The following TET3 variants were observed in gnomAD, a reference collection of about 807,000 sequenced individuals.
TET3 encodes tet methylcytosine dioxygenase 3.
In TET3, 19 loss-of-function variants were observed where a neutral mutation model predicts 141.4. That is an observed-to-expected ratio of 0.13 (90% CI 0.09 to 0.20). The LOEUF (loss-of-function observed/expected upper bound fraction) is 0.20, where lower values mean the gene tolerates loss of function less well. TET3 is among the 10% of genes least tolerant of loss of function. The pLI, the probability that TET3 is intolerant of heterozygous loss-of-function variation, is 1.00. For synonymous variants in TET3, 1,043 were observed against 980.9 expected, an observed-to-expected ratio of 1.06 and a Z score of -1.18; for missense variants, 1,874 against 2,356.9, an observed-to-expected ratio of 0.80 and a Z score of 4.24.
chr2:74,069,370 G>A (rs1244845425), intron 4 of TET3, among the ~76,000 whole-genome samples: 2 of 148,134 alleles, frequency 1.4e-5, no homozygotes, highest in African/African-American at 2.5e-5. Context: ...ATTCTATCTT[G>A]TATGCCCCAT....
chr2:74,067,232 A>G (rs1055761785), intron 4 of TET3, among the ~76,000 whole-genome samples: 1 of 152,218 alleles, frequency 6.6e-6, no homozygotes, highest in African/African-American at 2.4e-5. Flanking sequence ...TTAGTTGAAA[A>G]TACTCATTCA....
At chr2:74,045,145 G>T (rs1687548982) in intron 3 of TET3, among the ~76,000 whole-genome samples, 1 of 152,172 alleles carries the variant, frequency 6.6e-6, no homozygotes, top group Non-Finnish European at 1.5e-5. Flanking sequence ...TATGTGAGTG[G>T]TGTTAAGTCA....
At position 74,046,757 on chromosome 2, in the gene TET3, T is replaced by G; in HGVS notation, c.840T>G (p.Pro280=). ...PNCNCDGPEC[P]DYLEWLEGKI... is the part of the protein sequence containing the mutation. ...GCAACTGCGATGGCCCAGAATGCCC[T>G]GACTACCTCGAGTGGCTGGAGGGGA... Residue 280 remains proline, a synonymous_variant, in exon 4 of 12, where the codon CCT becomes CCG. Transcript: ENST00000409262. The surrounding 1 kb of genome is among the most constrained non-coding windows in gnomAD (Gnocchi z 4.3). The G allele has an allele frequency of 1.2e-6, 2 of 1,613,844 alleles. No homozygotes were observed. Among genetic ancestry groups the G allele is most frequent in the Middle Eastern group, 3.3e-4 (2 of 6,062 alleles).
At chr2:74,061,971 A>T (rs1688617908) in intron 4 of TET3, among the ~76,000 whole-genome samples, 1 of 147,768 alleles carries the variant, frequency 6.8e-6, no homozygotes. Context: ...CTCACGTCCC[A>T]GACAATGGGC....
At chr2:74,041,922 T>C (rs1443551800) in intron 3 of TET3, among the ~76,000 whole-genome samples, 4 of 152,254 alleles carry the variant, frequency 2.6e-5, no homozygotes, top group Non-Finnish European at 1.5e-5. Context: ...TTTTTTTCTT[T>C]CTAGCCTGTT....
intron 5 of TET3, chr2:74,073,989 C>A (rs971401184): frequency 6.1e-6 from 1 of 162,676 alleles, no homozygotes; most frequent in African/African-American, 2.4e-5. Flanking sequence ...CCTCTATGTC[C>A]TATAAATTGG....
chr2:74,007,374 T>A (rs193076805), intron 3 of TET3, among the ~76,000 whole-genome samples: 2 of 152,288 alleles, frequency 1.3e-5, no homozygotes, highest in Admixed American at 1.3e-4. Flanking sequence ...GTTTCCCGGA[T>A]CTAGCAATGA....
chr2:74,116,701 A>C, the TET3 span, among the ~76,000 whole-genome samples: 2 of 152,032 alleles, frequency 1.3e-5, no homozygotes, highest in South Asian at 2.1e-4. Context: ...AAAAAAAAAA[A>C]AAAAAACACT....
chr2:74,069,786 G>A (rs184478611), intron 4 of TET3, among the ~76,000 whole-genome samples: 11 of 152,076 alleles, frequency 7.2e-5, no homozygotes, highest in Admixed American at 7.2e-4. Context: ...TGTTTGTATT[G>A]ACAGGGTCTC....
At position 74,091,156 on chromosome 2, in the gene TET3, T is replaced by C. The variant is rs111644832; in HGVS notation, c.3039+1109T>C. On this transcript the variant is annotated intron_variant, in intron 8 of 11. Transcript: ENST00000409262. ...GTCTAATAGACCTGTATGCAAATAG[T>C]CTAATTTGTTATTAGATTTTTATTT... Among the ~76,000 whole-genome samples, 729 of 152,294 alleles carry C rather than the reference T, an allele frequency of 4.8e-3. 6 individuals carry two copies. The highest frequency in any genetic ancestry group is 0.017 in the African/African-American group (696 of 41,550).
At chr2:74,135,219 A>T in the TET3 span, 2 of 328,128 alleles carry the variant, frequency 6.1e-6, no homozygotes, top group Non-Finnish European at 1.1e-5. Flanking sequence ...AGCAATAGTA[A>T]AGGATCTTTT....
the TET3 span, among the ~76,000 whole-genome samples, chr2:74,129,540 G>T: frequency 6.6e-6 from 1 of 151,888 alleles, no homozygotes; most frequent in Non-Finnish European, 1.5e-5. Flanking sequence ...GGCTGAGGTG[G>T]GAGAATTGCT....
At chr2:74,070,800 C>T (rs1483672208) in intron 4 of TET3, among the ~76,000 whole-genome samples, 1 of 152,044 alleles carries the variant, frequency 6.6e-6, no homozygotes, top group Admixed American at 6.6e-5. Flanking sequence ...ATGGCAAAAC[C>T]CTGCCTCTAC....
chr2:74,126,959 A>T, the TET3 span, among the ~76,000 whole-genome samples: 3 of 152,236 alleles, frequency 2.0e-5, no homozygotes, highest in Non-Finnish European at 4.4e-5. Context: ...CAGAAGATGG[A>T]TAGTGAAATT....
the TET3 span, among the ~76,000 whole-genome samples, chr2:74,129,308 C>T: frequency 1.1e-5 from 1 of 88,912 alleles, no homozygotes; most frequent in East Asian, 3.8e-4. Context: ...AAGAGTGAAA[C>T]TCCGTCTCAA....
intron 4 of TET3, among the ~76,000 whole-genome samples, chr2:74,072,652 A>G (rs994392207): frequency 4.6e-5 from 7 of 152,186 alleles, no homozygotes; most frequent in African/African-American, 1.7e-4. Flanking sequence ...TAGTGGCATT[A>G]ATTACATTCA....
At chr2:74,135,384 C>A in the TET3 span, 804 of 806,534 alleles carry the variant, frequency 1.0e-3, 2 homozygotes, top group Middle Eastern at 1.4e-3. Flanking sequence ...AATAAAGGAA[C>A]CTGAAACATT....
intron 3 of TET3, among the ~76,000 whole-genome samples, chr2:74,007,547 T>A (rs1685209114): frequency 6.6e-6 from 1 of 152,156 alleles, no homozygotes; most frequent in African/African-American, 2.4e-5. Flanking sequence ...TTAGACTCAT[T>A]TAGAGTGTGG....
rs547671884 is a variant in TET3, at chr2:74,089,805, G to T, written c.2889-92G>T. ...GTCACTGGGAGGCTGGTGGGTGCCA[G>T]GGCTCAGCAGGGCCACCCCTTGAGG... On this transcript the variant is annotated intron_variant, in intron 7 of 11. Coordinates refer to ENST00000409262, the MANE Select transcript of TET3 (RefSeq NM_001287491.2). The T allele has an allele frequency of 1.5e-5, 23 of 1,516,632 alleles. 1 individual carries two copies. The East Asian group carries it at 4.8e-4, about 32-fold the overall frequency. The allele number at this position is 1,516,632 out of a possible 1,614,324, so 93.9% of individuals were successfully genotyped here.
Sources: allele counts gnomAD v4.1 joint callset (sites outside exome capture counted in the v4.1 genomes callset), GRCh38; gene constraint gnomAD v4.1.1; non-coding constraint Gnocchi (gnomAD v3.1); transcripts MANE v1.5; gene names NCBI Gene and HGNC (gene_info 2026-07-23, HGNC 2026-07-21).